The following ADAMTSL1 variants were observed in gnomAD, a reference collection of about 807,000 sequenced individuals.
The protein encoded by ADAMTSL1 is ADAMTS-like protein 1.
ADAMTSL1 carries 126 observed loss-of-function variants against 201.8 expected under a neutral mutation model. That is an observed-to-expected ratio of 0.62 (90% confidence interval 0.54 to 0.72). ADAMTSL1 has a LOEUF of 0.72. ADAMTSL1 is among the 30% of genes least tolerant of loss of function. The pLI is 0.00. For missense variants in ADAMTSL1, 2,679 were observed against 2,277.8 expected (o/e 1.18, Z -3.59); for synonymous variants, 1,121 against 903.4 (o/e 1.24, Z -4.32).
chr9:18,667,572 C>A (rs972859688), intron 9 of ADAMTSL1, among the ~76,000 whole-genome samples: 3 of 152,110 alleles, frequency 2.0e-5, no homozygotes, highest in African/African-American at 7.2e-5. Context: ...ACAATACTTA[C>A]CTCATAAAGT....
In ADAMTSL1 at chr9:18,776,803, G is replaced by T. The variant is rs779782583; in HGVS notation, c.2574G>T (p.Lys858Asn). ...CAGGGCCCGGGCGGCCATCCACGAA[G>T]CACAGCCCGCACATCGCGGCCGCCA... ...TCARPGRPST[K>N]HSPHIAAARK... The change falls in exon 19 of 29, where the codon AAG becomes AAT. Residue 858 changes from lysine to asparagine, a missense_variant. Lys to Asn is a moderately conservative substitution (Grantham distance 94, BLOSUM62 0). Coordinates refer to ENST00000380548, the MANE Select transcript of ADAMTSL1 (RefSeq NM_001040272.6). 1.9e-6 allele frequency: 3 copies of T among 1,558,230 alleles called. No homozygotes were observed. In the Admixed American group the frequency reaches 5.8e-5, roughly 30 times the overall value.
intron 1 of ADAMTSL1, among the ~76,000 whole-genome samples, chr9:18,095,416 C>CTTTTTTTTT (rs35164794): frequency 5.1e-4 from 51 of 100,120 alleles, no homozygotes; most frequent in East Asian, 1.5e-3. Context: ...TTCTTTCTTT[C>CTTTTTTTTT]TTTTTTTTTT....
At chr9:18,381,570 G>A (rs1260601944) in intron 2 of ADAMTSL1, among the ~76,000 whole-genome samples, 1 of 152,044 alleles carries the variant, frequency 6.6e-6, no homozygotes, top group Non-Finnish European at 1.5e-5. Context: ...GTTGAGATTG[G>A]GTTAATAGAA....
At chr9:18,594,706 G>T (rs1438028193) in intron 4 of ADAMTSL1, among the ~76,000 whole-genome samples, 1 of 151,956 alleles carries the variant, frequency 6.6e-6, no homozygotes, top group Non-Finnish European at 1.5e-5. Context: ...ATAAATTTTT[G>T]AATGAACTCT....
chr9:18,184,851 AAAGT>A (rs1828662801), intron 2 of ADAMTSL1, among the ~76,000 whole-genome samples: 2 of 152,232 alleles, frequency 1.3e-5, no homozygotes, highest in African/African-American at 4.8e-5. Flanking sequence ...CCAAACTCAG[AAAGT>A]AATTAAAATG....
chr9:18,834,118 C>A (rs767730837), intron 23 of ADAMTSL1, among the ~76,000 whole-genome samples: 5 of 152,024 alleles, frequency 3.3e-5, no homozygotes, highest in Non-Finnish European at 7.4e-5. Flanking sequence ...AGTTGGGTAG[C>A]GTGATGCCTC....
At chr9:18,775,711 T>A in intron 17 of ADAMTSL1, 32 bp from the exon 18 acceptor site, 1 of 1,606,736 alleles carries the variant, frequency 6.2e-7, no homozygotes, top group Admixed American at 1.7e-5. Context: ...TTCCCAGAAT[T>A]TATGTGCATT....
At chr9:18,122,921 T>C (rs1178103044) in intron 1 of ADAMTSL1, among the ~76,000 whole-genome samples, 1 of 152,108 alleles carries the variant, frequency 6.6e-6, no homozygotes, top group Non-Finnish European at 1.5e-5. Flanking sequence ...GTACTTTTTG[T>C]CAAGATGGAG....
Position 18,293,032 on chromosome 9 carries a change from G to A in ADAMTSL1, c.207+129051G>A, listed in dbSNP as rs533995813. On this transcript the variant is annotated intron_variant, in intron 2 of 29. Coordinates refer to the ADAMTSL1 transcript ENST00000680146. ...AGGTATCAAGATTAGAGTAGAACCA[G>A]CTGGAAAAAGAAGAGGAGGTATAAT... 3.3e-5 allele frequency among the ~76,000 whole-genome samples: 5 copies of A among 152,290 alleles called. No individual in the cohort carries two copies. In the South Asian group the frequency reaches 1.0e-3, roughly 32 times the overall value.
intron 1 of ADAMTSL1, among the ~76,000 whole-genome samples, chr9:17,986,971 G>T (rs879152214): frequency 6.6e-6 from 1 of 152,078 alleles, no homozygotes; most frequent in East Asian, 1.9e-4. Flanking sequence ...TGTTTTATGA[G>T]TCAGATAATA....
chr9:18,547,806 A>G (rs1226780840), intron 3 of ADAMTSL1, among the ~76,000 whole-genome samples: 3 of 151,830 alleles, frequency 2.0e-5, no homozygotes, highest in African/African-American at 7.3e-5. Flanking sequence ...TTCATTATGG[A>G]TTAAAACCCA....
chr9:18,709,247 G>A (rs1832411976), intron 14 of ADAMTSL1, among the ~76,000 whole-genome samples: 1 of 151,976 alleles, frequency 6.6e-6, no homozygotes, highest in Non-Finnish European at 1.5e-5. Flanking sequence ...AATTTATTTT[G>A]GTATATAGGA....
chr9:18,868,450 ATTAG>A (rs554326205), intron 23 of ADAMTSL1, among the ~76,000 whole-genome samples: 78 of 152,274 alleles, frequency 5.1e-4, no homozygotes, highest in Non-Finnish European at 9.0e-4. Flanking sequence ...GTTTTCTTCT[ATTAG>A]TTAAGTTATT....
At chr9:18,070,439 C>A (rs546357144) in intron 1 of ADAMTSL1, among the ~76,000 whole-genome samples, 52 of 152,126 alleles carry the variant, frequency 3.4e-4, no homozygotes, top group African/African-American at 1.2e-3. Context: ...AGAATTTTGC[C>A]TGGGGACGGA....
chr9:18,855,493 G>A (rs1304239195), intron 23 of ADAMTSL1, among the ~76,000 whole-genome samples: 1 of 152,144 alleles, frequency 6.6e-6, no homozygotes, highest in African/African-American at 2.4e-5. Context: ...CAGAGGTAGG[G>A]TAGGCCAAAG....
intron 2 of ADAMTSL1, among the ~76,000 whole-genome samples, chr9:18,164,751 C>T (rs1587200407): frequency 6.6e-6 from 1 of 151,560 alleles, no homozygotes; most frequent in South Asian, 2.1e-4. Flanking sequence ...CTTAGAATAC[C>T]CCCAAAACAA....
At chr9:18,516,098 A>G (rs953299196) in intron 2 of ADAMTSL1, among the ~76,000 whole-genome samples, 4 of 151,674 alleles carry the variant, frequency 2.6e-5, no homozygotes, top group African/African-American at 7.3e-5. Context: ...AAAAAAAAAA[A>G]AAAGAAAGAA....
chr9:18,670,644 T>A (rs1011160545), intron 9 of ADAMTSL1, among the ~76,000 whole-genome samples: 3 of 152,242 alleles, frequency 2.0e-5, no homozygotes, highest in African/African-American at 7.2e-5. Context: ...TAATTTTGGA[T>A]GTGGTTGCAT....
chr9:18,322,606 G>A (rs796267382), intron 2 of ADAMTSL1, among the ~76,000 whole-genome samples: 1 of 152,126 alleles, frequency 6.6e-6, no homozygotes, highest in Non-Finnish European at 1.5e-5. Flanking sequence ...GCACACTCCA[G>A]CCTGGGTGAC....
Sources: gnomAD v4.1 joint callset for allele counts (sites outside exome capture counted in the v4.1 genomes callset) on GRCh38, gnomAD v4.1.1 for gene constraint, MANE v1.5 for transcripts, NCBI Gene and HGNC (gene_info 2026-07-23, HGNC 2026-07-21) for gene names.